CRHR2: variants seen among roughly 807,000 people sequenced by gnomAD.
CRHR2 encodes the protein corticotropin-releasing hormone receptor 2.
Under a neutral mutation model 57.9 loss-of-function variants are expected in CRHR2, and 53 were observed. The ratio of observed to expected loss-of-function variants is 0.92; its 90% CI spans 0.73 to 1.15. The LOEUF is 1.15. Among genes scored for constraint, CRHR2 ranks in the 50% most tolerant of loss-of-function variants. The pLI is 0.00. For synonymous variants in CRHR2, 213 were observed against 220.9 expected (o/e 0.96, Z 0.32); for missense variants, 532 against 542.6 (o/e 0.98, Z 0.19).
rs373909405 is a variant in CRHR2, at chr7:30,670,669, G to A, written c.230-3356C>T. On this transcript the variant is annotated intron_variant, in intron 2 of 11. Transcript: ENST00000471646. ...GCACTGGGCCCTCAGGCACAGCCTC[G>A]GACAGGAGGGAGTAAGACAGAAAGA... Among the ~76,000 whole-genome samples, 16 of 152,332 alleles carry A rather than the reference G, an allele frequency of 1.1e-4. No homozygotes were observed. The East Asian group carries it at 2.9e-3, about 28-fold the overall frequency.
intron 11 of CRHR2, among the ~76,000 whole-genome samples, chr7:30,654,331 T>C (rs1242013896): frequency 6.6e-6 from 1 of 152,176 alleles, no homozygotes; most frequent in Non-Finnish European, 1.5e-5. Flanking sequence ...ACAGGACCCG[T>C]CTCTGCTGAT....
intron 2 of CRHR2, among the ~76,000 whole-genome samples, chr7:30,674,265 C>T (rs1220435418): frequency 6.6e-6 from 1 of 152,200 alleles, no homozygotes; most frequent in Non-Finnish European, 1.5e-5. Context: ...TCTGCCCTCC[C>T]CAGAGAGGGG....
intron 8 of CRHR2, among the ~76,000 whole-genome samples, chr7:30,660,100 C>T (rs1783938288): frequency 6.6e-6 from 1 of 152,174 alleles, no homozygotes; most frequent in African/African-American, 2.4e-5. Flanking sequence ...GGGAGCTGGA[C>T]AAGGAACAAT....
chr7:30,665,020 C>T lies in CRHR2; in HGVS notation c.543+50G>A, dbSNP rs778104497. 2.0e-5 allele frequency: 29 copies of T among 1,482,132 alleles called. No homozygotes were observed. Among genetic ancestry groups the T allele is most frequent in the East Asian group, 1.1e-4 (5 of 44,190 alleles). 91.8% of individuals were successfully genotyped at this position (1,482,132 alleles called of 1,614,324 possible). ...GACCAGACAGACAGATGGGTGCCCC[C>T]GGAGCCCAGAGCCCCCCAGGTATAG... On this transcript the variant is annotated intron_variant, in intron 5 of 11. Transcript: ENST00000471646. This position sits in a 1 kb window ranked among gnomAD's most constrained non-coding sequence, Gnocchi z 4.5.
At chr7:30,657,933 C>T (rs1467877510) in intron 8 of CRHR2, among the ~76,000 whole-genome samples, 1 of 152,194 alleles carries the variant, frequency 6.6e-6, no homozygotes, top group Non-Finnish European at 1.5e-5. Flanking sequence ...ATAACCAATC[C>T]ATTCAGTTAT....
chr7:30,699,542 T>A (rs1383778779), intron 1 of CRHR2, among the ~76,000 whole-genome samples: 1 of 148,888 alleles, frequency 6.7e-6, no homozygotes, highest in Non-Finnish European at 1.5e-5. Flanking sequence ...TGGAGGGGGG[T>A]CATGGGGGTG....
intron 2 of CRHR2, among the ~76,000 whole-genome samples, chr7:30,688,546 G>T (rs1450734019): frequency 3.3e-5 from 5 of 152,194 alleles, no homozygotes; most frequent in Non-Finnish European, 7.4e-5. Context: ...TGTAGGCTGG[G>T]TCTGGGTGCT....
intron 10 of CRHR2, among the ~76,000 whole-genome samples, chr7:30,655,347 G>C (rs1005856480): frequency 1.3e-5 from 2 of 152,196 alleles, no homozygotes; most frequent in African/African-American, 4.8e-5. Flanking sequence ...TGGGCTGCCT[G>C]CATCCTCAGA....
At chr7:30,669,071 A>G (rs1226415539) in intron 2 of CRHR2, among the ~76,000 whole-genome samples, 2 of 152,350 alleles carry the variant, frequency 1.3e-5, no homozygotes, top group East Asian at 3.9e-4. Context: ...CTTTTGTGAA[A>G]TGAACAGTCC....
chr7:30,682,820 C>T (rs1784771196), upstream of CRHR2: 1 of 152,560 alleles, frequency 6.6e-6, no homozygotes, highest in South Asian at 2.1e-4. Context: ...CAAAGTTCGG[C>T]AGCTTTCCGC....
chr7:30,664,529 T>TG (rs1784114986), intron 5 of CRHR2, among the ~76,000 whole-genome samples: 2 of 152,122 alleles, frequency 1.3e-5, no homozygotes, highest in Admixed American at 1.3e-4. Flanking sequence ...AAAGGGGTCT[T>TG]TGAGGGCACC....
At chr7:30,655,752 C>G (rs141132036) in intron 9 of CRHR2, 37 bp from the exon 10 acceptor site, 14 of 1,604,220 alleles carry the variant, frequency 8.7e-6, no homozygotes, top group African/African-American at 1.3e-5. Flanking sequence ...TGAGCCCATG[C>G]GGCAGGCAGG....
chr7:30,654,398 C>G (rs536277890), intron 11 of CRHR2, among the ~76,000 whole-genome samples: 3 of 152,320 alleles, frequency 2.0e-5, no homozygotes, highest in African/African-American at 7.2e-5. Flanking sequence ...GCATAGACAC[C>G]TCGCCAGTGC....
At chr7:30,657,287 G>A (rs1165414212) in intron 8 of CRHR2, among the ~76,000 whole-genome samples, 1 of 152,102 alleles carries the variant, frequency 6.6e-6, no homozygotes, top group Non-Finnish European at 1.5e-5. Context: ...TAGCCCTAGG[G>A]GCAGGGAGAG....
chr7:30,653,572 T>C lies in CRHR2; in HGVS notation c.1124A>G (p.His375Arg), dbSNP rs992560867. Residue 375 changes from histidine to arginine, a missense_variant, in exon 12 of 12, where the codon CAC (histidine) becomes CGC (arginine). Coordinates refer to ENST00000471646, the MANE Select transcript of CRHR2 (RefSeq NM_001883.5). The surrounding 1 kb of genome is among the most constrained non-coding windows in gnomAD (Gnocchi z 5.0). ...AAGGGAGTGATGGTCCTGCCAGCGG[T>C]GCCACCTCTTCCTCACGGCTGAGCG... is the stretch of plus-strand genomic sequence containing the variant. Reference protein sequence around the residue: ...EVRSAVRKRWHRWQDHHSLRV... With the variant: ...EVRSAVRKRWRRWQDHHSLRV... 1 of 1,612,652 alleles carries C rather than the reference T, an allele frequency of 6.2e-7. No individual in the cohort carries two copies. The highest frequency in any genetic ancestry group is 8.5e-7 in the Non-Finnish European group (1 of 1,179,850).
At chr7:30,672,921 CCCTT>C (rs1273204533) in intron 2 of CRHR2, among the ~76,000 whole-genome samples, 1 of 152,220 alleles carries the variant, frequency 6.6e-6, no homozygotes, top group Non-Finnish European at 1.5e-5. Flanking sequence ...AGATCTCTCT[CCCTT>C]GGGACACGCT....
rs773864067 is a variant in CRHR2 at position 30,653,450 on chromosome 7, G to T, written c.*10C>A. The stretch of plus-strand genomic sequence containing the variant: ...GGACAGGGGAGCTGTGCAGGTGGGC[G>T]ACCGAGGGGTCACACAGCGGCCGTC... On this transcript the variant is annotated 3_prime_UTR_variant, in exon 12 of 12. Coordinates refer to ENST00000471646, the MANE Select transcript of CRHR2 (RefSeq NM_001883.5). The surrounding 1 kb of genome is among the most constrained non-coding windows in gnomAD (Gnocchi z 5.0). 5 of 1,612,284 alleles carry T rather than the reference G, an allele frequency of 3.1e-6. No individual in the cohort carries two copies. In the Admixed American group the frequency reaches 6.7e-5, roughly 22 times the overall value.
At chr7:30,676,647 C>G (rs951719168) in intron 2 of CRHR2, among the ~76,000 whole-genome samples, 9 of 152,346 alleles carry the variant, frequency 5.9e-5, no homozygotes, top group African/African-American at 2.2e-4. Context: ...CACAAGCCTC[C>G]TTGATAAGCA....
rs759553448 is a variant in CRHR2 at position 30,653,549 on chromosome 7, G to A, written c.1147C>T (p.Leu383Phe). The change falls in exon 12 of 12, where the codon CTT becomes TTT. Residue 383 changes from leucine (L) to phenylalanine (F), a missense_variant. By Grantham distance (22) the Leu-to-Phe change is conservative (BLOSUM62 0). Coordinates refer to ENST00000471646, the MANE Select transcript of CRHR2 (RefSeq NM_001883.5). The surrounding 1 kb of genome is among the most constrained non-coding windows in gnomAD (Gnocchi z 5.0). ...ATGGCCCGGGCCATGGGGACTCGAA[G>A]GGAGTGATGGTCCTGCCAGCGGTGC... ...RWHRWQDHHS[L>F]RVPMARAMSI... 7 of 1,613,386 alleles carry A rather than the reference G, an allele frequency of 4.3e-6. No individual in the cohort carries two copies. In the South Asian group the frequency reaches 6.6e-5, roughly 15 times the overall value.
Sources: gnomAD v4.1 joint callset for allele counts (sites outside exome capture counted in the v4.1 genomes callset) on GRCh38, gnomAD v4.1.1 for gene constraint, Gnocchi (gnomAD v3.1) non-coding constraint, MANE v1.5 for transcripts, NCBI Gene and HGNC (gene_info 2026-07-23, HGNC 2026-07-21) for gene names.